The following OTUD7B variants were observed in gnomAD, a reference collection of about 807,000 sequenced individuals.
The protein encoded by OTUD7B is OTU deubiquitinase 7B.
A neutral mutation model predicts 82.2 loss-of-function variants in OTUD7B; 34 were observed. The ratio of observed to expected loss-of-function variants is 0.41; its 90% CI spans 0.31 to 0.55. OTUD7B has a LOEUF of 0.55. Ranked by LOEUF, OTUD7B falls within the 20% of genes least tolerant of loss-of-function variation. OTUD7B has a pLI of 0.20. For missense variants in OTUD7B, 944 were observed against 1,062.1 expected (o/e 0.89, Z 1.55); for synonymous variants, 398 against 402.7 (o/e 0.99, Z 0.14).
At position 149,938,568 on chromosome 1, in the gene OTUD7B, C is replaced by A. The variant is rs12077863; in HGVS notation, c.*5289G>T. On this transcript the variant is annotated 3_prime_UTR_variant, in exon 12 of 12. Coordinates refer to ENST00000581312, the MANE Select transcript of OTUD7B (RefSeq NM_020205.4). ...CCATCCTTCATTCAAGAGCCTCATT[C>A]TATTCTTTAGCACTTTGAGGTGTGG... is the stretch of plus-strand genomic sequence containing the variant. The A allele has an allele frequency of 6.7e-6, 1 of 148,580 alleles. No homozygotes were observed. Among genetic ancestry groups the A allele is most frequent in the South Asian group, 2.2e-4 (1 of 4,610 alleles). 9.2% of individuals were successfully genotyped at this position (148,580 alleles called of 1,614,324 possible). A position where few individuals can be genotyped will look rare whatever the true frequency, so the allele number is the denominator to read the frequency against.
chr1:150,008,230 T>C (rs1652794823), intron 1 of OTUD7B, among the ~76,000 whole-genome samples: 1 of 152,096 alleles, frequency 6.6e-6, no homozygotes, highest in Non-Finnish European at 1.5e-5. Flanking sequence ...ACTTAGGGAG[T>C]TGCTAGATGC....
At chr1:149,968,218 T>C (rs61476968) in intron 3 of OTUD7B, among the ~76,000 whole-genome samples, 2,770 of 147,870 alleles carry the variant, frequency 0.019, 76 homozygotes, top group African/African-American at 0.063. Flanking sequence ...GAGCCAAGAT[T>C]GTGCCACTGC....
At chr1:149,966,975 G>C (rs1354562162) in intron 4 of OTUD7B, among the ~76,000 whole-genome samples, 1 of 152,088 alleles carries the variant, frequency 6.6e-6, no homozygotes, top group African/African-American at 2.4e-5. Flanking sequence ...CTACAGCATT[G>C]GTCATTTCTG....
intron 7 of OTUD7B, among the ~76,000 whole-genome samples, chr1:149,956,990 T>TCCTTCGAACAAACA (rs1648734729): frequency 6.6e-6 from 1 of 152,230 alleles, no homozygotes; most frequent in African/African-American, 2.4e-5. Flanking sequence ...CATCCTCCTT[T>TCCTTCGAACAAACA]AGCTCAGAGT....
chr1:150,028,207 G>A, the OTUD7B span, among the ~76,000 whole-genome samples: 72,209 of 152,030 alleles, frequency 0.47, 20,264 homozygotes, highest in African/African-American at 0.79. Flanking sequence ...ATACCATGAA[G>A]CCAAACACAT....
At position 149,945,064 on chromosome 1, in the gene OTUD7B, G is replaced by T. The variant is rs1553771817; in HGVS notation, c.1325C>A (p.Ala442Asp). Residue 442 changes from alanine (A) to aspartate (D), a missense_variant and splice_region_variant, in exon 12 of 12, where the codon GCT (alanine) becomes GAT (aspartate). Around this residue, in one of 3 missense-constraint regions of OTUD7B, gnomAD observed 530 missense variants for 625.6 expected, o/e 0.85. Coordinates refer to ENST00000581312, the MANE Select transcript of OTUD7B (RefSeq NM_020205.4). ...KWIPLSSDAQ[A>D]PLAQPESPTA... ...GGGGGACTCAGGCTGGGCCAGAGGAGCCTGGAAGAGACAAGAACACTGTTG... is the reference window on the plus strand; with the variant it reads ...GGGGGACTCAGGCTGGGCCAGAGGATCCTGGAAGAGACAAGAACACTGTTG... 6.2e-7 allele frequency: 1 copy of T among 1,612,126 alleles called. No individual in the cohort carries two copies. The highest frequency in any genetic ancestry group is 8.5e-7 in the Non-Finnish European group (1 of 1,179,416).
At chr1:149,962,054 A>T (rs1553775738) in intron 6 of OTUD7B, 1 of 152,228 alleles carries the variant, frequency 6.6e-6, no homozygotes, top group Non-Finnish European at 1.5e-5. Context: ...TAAATGACAC[A>T]GCTATTTTCA....
chr1:149,992,551 C>G (rs1651665655), intron 1 of OTUD7B, among the ~76,000 whole-genome samples: 1 of 133,226 alleles, frequency 7.5e-6, no homozygotes, highest in Non-Finnish European at 1.5e-5. Flanking sequence ...TCTCGGCTCA[C>G]TGCAAGCTCG....
chr1:150,029,631 A>C, the OTUD7B span, among the ~76,000 whole-genome samples: 1 of 152,188 alleles, frequency 6.6e-6, no homozygotes, highest in Non-Finnish European at 1.5e-5. Context: ...GAGGTTGTTC[A>C]TTCTCTCAGA....
At chr1:149,969,222 C>T (rs1553777226) in intron 3 of OTUD7B, among the ~76,000 whole-genome samples, 1 of 152,080 alleles carries the variant, frequency 6.6e-6, no homozygotes, top group East Asian at 1.9e-4. Flanking sequence ...ACTTGGGAGG[C>T]TGAGGCAGTA....
chr1:149,964,323 A>G lies in OTUD7B; in HGVS notation c.631T>C (p.Leu211=), dbSNP rs782335832. 2 of 1,614,014 alleles carry G rather than the reference A, an allele frequency of 1.2e-6. No individual in the cohort carries two copies. The highest frequency in any genetic ancestry group is 8.5e-7 in the Non-Finnish European group (1 of 1,179,954). Residue 211 remains leucine (L), a synonymous_variant, in exon 6 of 12, where the codon TTG becomes CTG. Coordinates refer to ENST00000581312, the MANE Select transcript of OTUD7B (RefSeq NM_020205.4). ...GCATACAAAGCTTTCCGCAGCATCA[A>G]GTCCCGATCATGGAAACCCCACATT... ...LGMWGFHDRD[L]MLRKALYALM...
the OTUD7B span, among the ~76,000 whole-genome samples, chr1:150,065,852 T>TCTTTTTTTTTTTTTTTTTTTTTTTTGAG: frequency 3.9e-5 from 6 of 152,202 alleles, no homozygotes; most frequent in African/African-American, 1.4e-4. Context: ...TCAAAATGTT[T>TCTTTTTTTTTTTTTTTTTTTTTTTTGAG]ATGTTCCATA....
chr1:150,000,711 G>A (rs1324347313), intron 1 of OTUD7B, among the ~76,000 whole-genome samples: 2 of 152,100 alleles, frequency 1.3e-5, no homozygotes, highest in African/African-American at 4.8e-5. Context: ...AGGCATGGTG[G>A]CTCATGCCTG....
At chr1:150,044,673 A>AAATAATAATAATAAT in the OTUD7B span, among the ~76,000 whole-genome samples, 10 of 149,020 alleles carry the variant, frequency 6.7e-5, no homozygotes, top group African/African-American at 2.3e-4. Flanking sequence ...CTGTCTCAAA[A>AAATAATAATAATAAT]AATAATAATA....
At chr1:149,976,180 A>G (rs1650293025) in intron 2 of OTUD7B, among the ~76,000 whole-genome samples, 1 of 152,152 alleles carries the variant, frequency 6.6e-6, no homozygotes, top group Non-Finnish European at 1.5e-5. Flanking sequence ...GCAATTTAAA[A>G]TATTACCTAT....
chr1:150,026,649 A>C, the OTUD7B span, among the ~76,000 whole-genome samples: 2 of 152,222 alleles, frequency 1.3e-5, no homozygotes, highest in Non-Finnish European at 2.9e-5. Flanking sequence ...TTACAAGGTC[A>C]TAAATATATA....
Position 149,967,403 on chromosome 1 carries a change from G to A in OTUD7B, c.393C>T (p.Pro131=). Residue 131 remains proline, a synonymous_variant, in exon 4 of 12, where the codon CCC becomes CCT. Transcript: ENST00000581312. Reference sequence around the variant, plus strand: ...GATCTGGAAGCTGGAAGGCACAGATGGGCATTTCCAGGGGGTGCTCATTGC... The same window carrying A: ...GATCTGGAAGCTGGAAGGCACAGATAGGCATTTCCAGGGGGTGCTCATTGC... The part of the protein sequence containing the change: ...GGSNEHPLEM[P]ICAFQLPDLT... The A allele has an allele frequency of 6.2e-7, 1 of 1,614,042 alleles. No homozygotes were observed. Among genetic ancestry groups the A allele is most frequent in the Non-Finnish European group, 8.5e-7 (1 of 1,179,914 alleles).
chr1:150,016,238 C>T, the OTUD7B span, among the ~76,000 whole-genome samples: 1 of 152,084 alleles, frequency 6.6e-6, no homozygotes, highest in Non-Finnish European at 1.5e-5. Context: ...ATCAACAATA[C>T]CTCAGTGTCA....
intron 5 of OTUD7B, among the ~76,000 whole-genome samples, chr1:149,964,725 C>T (rs1401475671): frequency 5.9e-5 from 9 of 151,304 alleles, no homozygotes; most frequent in African/African-American, 2.2e-4. Context: ...TCCCGAGTAG[C>T]TAGGATTACA....
Sources: allele counts gnomAD v4.1 joint callset (sites outside exome capture counted in the v4.1 genomes callset), GRCh38; gene constraint gnomAD v4.1.1; regional missense constraint gnomAD v4.1.1; transcripts MANE v1.5; gene names NCBI Gene and HGNC (gene_info 2026-07-23, HGNC 2026-07-21).